The following NR2C2 variants were observed in gnomAD, a reference collection of about 807,000 sequenced individuals.
NR2C2 encodes Nuclear hormone receptor TR4.
NR2C2 carries 6 observed loss-of-function variants against 62.9 expected under a neutral mutation model. The observed-to-expected ratio is 0.10, with a 90% CI of 0.05 to 0.19. NR2C2 has a LOEUF of 0.19. NR2C2 is among the 10% of genes least tolerant of loss of function. NR2C2 has a pLI of 1.00. For synonymous variants in NR2C2, 272 were observed against 273.8 expected (o/e 0.99, Z 0.07); for missense variants, 479 against 762.7 (o/e 0.63, Z 4.38).
chr3:15,001,729 A>C (rs994491247), intron 1 of NR2C2, among the ~76,000 whole-genome samples: 2 of 151,746 alleles, frequency 1.3e-5, no homozygotes, highest in Non-Finnish European at 2.9e-5. Context: ...CAATCCTCCC[A>C]CCTTAACCTA....
chr3:14,972,952 C>T (rs1439055569), intron 1 of NR2C2, among the ~76,000 whole-genome samples: 2 of 152,180 alleles, frequency 1.3e-5, no homozygotes, highest in South Asian at 2.1e-4. Flanking sequence ...TCCCCATGAT[C>T]CGATCACCTC....
At chr3:15,041,406 G>A (rs1288752860) in intron 13 of NR2C2, among the ~76,000 whole-genome samples, 6 of 152,160 alleles carry the variant, frequency 3.9e-5, no homozygotes, top group African/African-American at 1.4e-4. Context: ...TTGGAGCACA[G>A]CGACTCATTG....
At chr3:14,981,038 A>C (rs1311372319) in intron 1 of NR2C2, among the ~76,000 whole-genome samples, 1 of 152,238 alleles carries the variant, frequency 6.6e-6, no homozygotes, top group Admixed American at 6.5e-5. Flanking sequence ...TCAGGTCTCT[A>C]TTGACAATTT....
intron 1 of NR2C2, among the ~76,000 whole-genome samples, chr3:14,973,249 A>T (rs1465328285): frequency 6.6e-6 from 1 of 151,156 alleles, no homozygotes; most frequent in African/African-American, 2.4e-5. Context: ...TTTTTTTGGC[A>T]GGGTCTTGCT....
At chr3:15,021,931 A>G (rs1277759358) in intron 5 of NR2C2, among the ~76,000 whole-genome samples, 1 of 152,260 alleles carries the variant, frequency 6.6e-6, no homozygotes, top group Non-Finnish European at 1.5e-5. Context: ...TATTTTATCT[A>G]ATGATACTGC....
In NR2C2 at chr3:14,970,212, A is replaced by G. The variant is rs534262479; in HGVS notation, c.-40+22306A>G. Among the ~76,000 whole-genome samples the G allele has an allele frequency of 3.5e-5, 4 of 115,502 alleles. No individual in the cohort carries two copies. The East Asian group carries it at 8.3e-4, about 24-fold the overall frequency. 75.8% of individuals were successfully genotyped at this position (115,502 alleles called of 152,430 possible). A position where few individuals can be genotyped will look rare whatever the true frequency, so the allele number is the denominator to read the frequency against. On this transcript the variant is annotated intron_variant, in intron 1 of 13. Coordinates refer to ENST00000425241, the MANE Select transcript of NR2C2 (RefSeq NM_001291694.2). ...ATGCTTTAAAAAATGTCCTTACCCC[A>G]CTATTTCTAATTCTTGATTTATCGG... is the stretch of plus-strand genomic sequence containing the variant.
At chr3:15,030,007 A>G (rs1172573746) in intron 8 of NR2C2, among the ~76,000 whole-genome samples, 1 of 152,108 alleles carries the variant, frequency 6.6e-6, no homozygotes, top group Non-Finnish European at 1.5e-5. Flanking sequence ...AGTGCCTAAG[A>G]TGATGTGTAG....
chr3:14,949,193 T>C (rs2039263599), intron 1 of NR2C2, among the ~76,000 whole-genome samples: 1 of 133,214 alleles, frequency 7.5e-6, no homozygotes, highest in Non-Finnish European at 1.6e-5. Context: ...GGGGGGTGAA[T>C]AGACAAATAA....
Position 15,032,283 on chromosome 3 carries a change from C to T in NR2C2, c.1111-96C>T. The T allele has an allele frequency of 2.6e-6, 4 of 1,537,284 alleles. No individual in the cohort carries two copies. The South Asian group carries it at 3.4e-5, about 13-fold the overall frequency. ...AGAATCAGACAGCAACTCTAGATGC[C>T]ACTGCTATTGAAGCATGACAGGGAT... On this transcript the variant is annotated intron_variant, in intron 9 of 13. Transcript: ENST00000425241.
intron 2 of NR2C2, among the ~76,000 whole-genome samples, chr3:15,012,955 A>C (rs1404130128): frequency 6.6e-6 from 1 of 152,130 alleles, no homozygotes; most frequent in Non-Finnish European, 1.5e-5. Context: ...CCTTCGGTGC[A>C]TCCTAGGATC....
At chr3:14,950,221 G>A (rs559238261) in intron 1 of NR2C2, among the ~76,000 whole-genome samples, 4 of 152,238 alleles carry the variant, frequency 2.6e-5, no homozygotes, top group East Asian at 1.9e-4. Flanking sequence ...CGAGATTCTA[G>A]TTTTGGCTCT....
At chr3:14,964,459 C>G (rs996753786) in intron 1 of NR2C2, among the ~76,000 whole-genome samples, 5 of 151,822 alleles carry the variant, frequency 3.3e-5, no homozygotes, top group Admixed American at 3.3e-4. Context: ...AGTTTATTGT[C>G]ATGCATTTGG....
chr3:15,042,006 G>A (rs191252338), intron 13 of NR2C2, among the ~76,000 whole-genome samples: 28 of 152,160 alleles, frequency 1.8e-4, no homozygotes, highest in African/African-American at 5.8e-4. Flanking sequence ...ATAACAATAC[G>A]TACTCTTCTT....
chr3:14,993,499 T>C, intron 1 of NR2C2, among the ~76,000 whole-genome samples: 1 of 152,082 alleles, frequency 6.6e-6, no homozygotes, highest in East Asian at 1.9e-4. Context: ...GTAAATTTCC[T>C]TCCTTGATGT....
chr3:15,016,061 C>CA, intron 3 of NR2C2, 91 bp from the exon 4 acceptor site: 2 of 963,042 alleles, frequency 2.1e-6, no homozygotes, highest in Non-Finnish European at 3.3e-6. Flanking sequence ...CTCAGCCTCC[C>CA]AAAGTGCTGG....
intron 2 of NR2C2, chr3:15,004,612 A>C: frequency 6.2e-7 from 1 of 1,612,292 alleles, no homozygotes; most frequent in South Asian, 1.1e-5. Flanking sequence ...AACAAAGAGA[A>C]GGTAGGTGTA....
chr3:14,976,602 C>CTTTTTTTTTTTTTTTTTTT (rs533538010), intron 1 of NR2C2, among the ~76,000 whole-genome samples: 1 of 90,740 alleles, frequency 1.1e-5, no homozygotes, highest in African/African-American at 5.1e-5. Flanking sequence ...TCCTTCCTTC[C>CTTTTTTTTTTTTTTTTTTT]TTTTTTTTTT....
At chr3:14,955,344 C>T (rs538801023) in intron 1 of NR2C2, among the ~76,000 whole-genome samples, 6 of 152,258 alleles carry the variant, frequency 3.9e-5, no homozygotes, top group South Asian at 4.1e-4. Context: ...TCACATATTA[C>T]GACTTAGTGG....
rs2042561935 is a variant in NR2C2, at chr3:15,049,229, C to T, written c.*6221C>T. The T allele has an allele frequency of 6.6e-6, 1 of 152,670 alleles. No homozygotes were observed. The highest frequency in any genetic ancestry group is 1.5e-5 in the Non-Finnish European group (1 of 68,070). The allele number at this position is 152,670 out of a possible 1,614,324, so 9.5% of individuals were successfully genotyped here. On this transcript the variant is annotated 3_prime_UTR_variant, in exon 14 of 14. Coordinates refer to ENST00000425241, the MANE Select transcript of NR2C2 (RefSeq NM_001291694.2). ...GCATTATTGTTGTGGCTTAATACTA[C>T]TACCTAAATGAGGTTTATACTATTA...
Sources: gnomAD v4.1 joint callset for allele counts (sites outside exome capture counted in the v4.1 genomes callset) on GRCh38, gnomAD v4.1.1 for gene constraint, MANE v1.5 for transcripts, NCBI Gene and HGNC (gene_info 2026-07-23, HGNC 2026-07-21) for gene names.